Variants in FCHSD2 observed in about 807,000 individuals in gnomAD.
The protein encoded by FCHSD2 is F-BAR and double SH3 domains protein 2.
FCHSD2 carries 38 observed loss-of-function variants against 108.1 expected under a neutral mutation model. That is an observed-to-expected ratio of 0.35 (90% CI 0.27 to 0.46). The LOEUF is 0.46. Ranked by LOEUF, FCHSD2 falls within the 20% of genes least tolerant of loss-of-function variation. The pLI, the probability that FCHSD2 is intolerant of heterozygous loss-of-function variation, is 1.00. For synonymous variants in FCHSD2, 279 were observed against 314.7 expected (o/e 0.89, Z 1.20); for missense variants, 751 against 897.8 (o/e 0.84, Z 2.09).
chr11:72,863,478 T>C (rs1002661011), intron 13 of FCHSD2, among the ~76,000 whole-genome samples: 1 of 151,972 alleles, frequency 6.6e-6, no homozygotes, highest in African/African-American at 2.4e-5. Context: ...AAAAATATGA[T>C]CCATAAAAGA....
At chr11:73,076,811 T>A (rs1420855432) in intron 3 of FCHSD2, among the ~76,000 whole-genome samples, 1 of 152,122 alleles carries the variant, frequency 6.6e-6, no homozygotes, top group Non-Finnish European at 1.5e-5. Context: ...TGATAGCTAA[T>A]AAGAGTTTGT....
intron 8 of FCHSD2, among the ~76,000 whole-genome samples, chr11:72,955,882 C>T (rs530632717): frequency 1.3e-5 from 2 of 152,324 alleles, no homozygotes; most frequent in South Asian, 4.1e-4. Context: ...ACAGTGCATA[C>T]ATACATATAT....
chr11:73,107,908 T>C (rs1431705141), intron 2 of FCHSD2, among the ~76,000 whole-genome samples: 1 of 152,214 alleles, frequency 6.6e-6, no homozygotes, highest in Non-Finnish European at 1.5e-5. Flanking sequence ...GCAATCGACA[T>C]GGGTATCTTT....
At chr11:72,897,572 T>TC (rs981561207) in intron 10 of FCHSD2, among the ~76,000 whole-genome samples, 56 of 152,090 alleles carry the variant, frequency 3.7e-4, no homozygotes, top group African/African-American at 1.3e-3. Context: ...CTAGAATCAA[T>TC]CCCCCATGGA....
intron 12 of FCHSD2, among the ~76,000 whole-genome samples, chr11:72,883,702 C>A (rs184437641): frequency 6.6e-6 from 1 of 152,088 alleles, no homozygotes; most frequent in Non-Finnish European, 1.5e-5. Context: ...GCGGCCAAGG[C>A]AGGCAGATTG....
chr11:72,973,962 T>C (rs1310884228), intron 8 of FCHSD2, among the ~76,000 whole-genome samples: 4 of 151,020 alleles, frequency 2.6e-5, no homozygotes, highest in African/African-American at 9.8e-5. Context: ...AAGATATAAG[T>C]AAAGACCTAG....
intron 3 of FCHSD2, among the ~76,000 whole-genome samples, chr11:73,070,298 C>T (rs1281671034): frequency 6.6e-6 from 1 of 152,182 alleles, no homozygotes; most frequent in Non-Finnish European, 1.5e-5. Context: ...CATCTCATAC[C>T]ACTCTGTTTT....
At chr11:73,068,929 G>A (rs984931467) in intron 3 of FCHSD2, among the ~76,000 whole-genome samples, 1 of 149,046 alleles carries the variant, frequency 6.7e-6, no homozygotes, top group Non-Finnish European at 1.5e-5. Flanking sequence ...GTAGGAGGAT[G>A]GCTTAAGTAA....
In FCHSD2 at chr11:72,989,178, T is replaced by C. The variant is rs1259826101; in HGVS notation, c.388-81A>G. The C allele has an allele frequency of 5.5e-6, 6 of 1,085,944 alleles. No homozygotes were observed. In the African/African-American group the frequency reaches 6.3e-5, roughly 11 times the overall value. The allele number at this position is 1,085,944 out of a possible 1,614,324, so 67.3% of individuals were successfully genotyped here. On this transcript the variant is annotated intron_variant, in intron 5 of 19. Coordinates refer to ENST00000409418, the MANE Select transcript of FCHSD2 (RefSeq NM_014824.3). ...TGACTTCATCCTAAGGACTATACAC[T>C]ATGCCTTCAGGATGGAAATCCAGGG...
intron 3 of FCHSD2, among the ~76,000 whole-genome samples, chr11:73,025,878 T>A (rs927426381): frequency 6.6e-6 from 1 of 152,144 alleles, no homozygotes; most frequent in African/African-American, 2.4e-5. Context: ...CCCGTAACCA[T>A]CCACATATAC....
chr11:73,052,142 A>C (rs369608429), intron 3 of FCHSD2, among the ~76,000 whole-genome samples: 1 of 152,200 alleles, frequency 6.6e-6, no homozygotes, highest in East Asian at 1.9e-4. Context: ...TTTGGTATAT[A>C]TGTGATCTGA....
intron 2 of FCHSD2, among the ~76,000 whole-genome samples, chr11:73,100,373 G>A (rs1248438176): frequency 6.8e-6 from 1 of 147,786 alleles, no homozygotes. Flanking sequence ...TGTTGTTGTT[G>A]TTGTTTTGAG....
intron 8 of FCHSD2, among the ~76,000 whole-genome samples, chr11:72,960,912 C>T (rs1390960899): frequency 6.6e-6 from 1 of 152,140 alleles, no homozygotes; most frequent in African/African-American, 2.4e-5. Context: ...GTAAATTATG[C>T]TTAGGGAAAG....
intron 2 of FCHSD2, among the ~76,000 whole-genome samples, chr11:73,096,768 C>T (rs1041374599): frequency 6.6e-5 from 10 of 151,640 alleles, no homozygotes; most frequent in African/African-American, 2.4e-4. Context: ...TTCCATGTTT[C>T]CCCAGCCTAG....
At chr11:72,841,370 TG>T in intron 18 of FCHSD2, 83 bp downstream of exon 18, 1 of 797,612 alleles carries the variant, frequency 1.3e-6, no homozygotes, top group Non-Finnish European at 1.8e-6. Flanking sequence ...AAAAAGCAAA[TG>T]CAGTTTTTTT....
intron 8 of FCHSD2, among the ~76,000 whole-genome samples, chr11:72,973,169 AC>A (rs1857038483): frequency 6.6e-6 from 1 of 152,186 alleles, no homozygotes; most frequent in African/African-American, 2.4e-5. Flanking sequence ...GGAGTTCAAG[AC>A]CAGCCTGACC....
At chr11:73,098,172 CTTT>C (rs755722125) in intron 2 of FCHSD2, among the ~76,000 whole-genome samples, 30 of 151,934 alleles carry the variant, frequency 2.0e-4, no homozygotes, top group Non-Finnish European at 2.9e-4. Flanking sequence ...AATCTTTCTT[CTTT>C]TTTAACACAG....
intron 3 of FCHSD2, among the ~76,000 whole-genome samples, chr11:73,081,306 C>T (rs184516482): frequency 1.3e-5 from 2 of 152,102 alleles, no homozygotes; most frequent in Admixed American, 1.3e-4. Flanking sequence ...TGGTGGCACG[C>T]ACCTGTAGTC....
chr11:72,851,184 G>A (rs1010772698), intron 13 of FCHSD2, among the ~76,000 whole-genome samples: 1 of 147,368 alleles, frequency 6.8e-6, no homozygotes, highest in African/African-American at 2.5e-5. Flanking sequence ...TGGTAGAAAT[G>A]TGAATTCATA....
Sources: allele counts gnomAD v4.1 joint callset (sites outside exome capture counted in the v4.1 genomes callset), GRCh38; gene constraint gnomAD v4.1.1; transcripts MANE v1.5; gene names NCBI Gene and HGNC (gene_info 2026-07-23, HGNC 2026-07-21).